The following BLTP1 variants were observed in gnomAD, a reference collection of about 807,000 sequenced individuals.
The protein encoded by BLTP1 is bridge-like lipid transfer protein family member 1.
chr4:122,289,037 G>C, the BLTP1 span: 1 of 1,560,816 alleles, frequency 6.4e-7, no homozygotes, highest in East Asian at 2.3e-5. Flanking sequence ...TAAGAAAAAA[G>C]TGTAAAGCTA....
At chr4:122,238,186 A>G in the BLTP1 span, 4 of 1,614,056 alleles carry the variant, frequency 2.5e-6, no homozygotes, top group East Asian at 8.9e-5. Context: ...TTCAAGTACC[A>G]TTACGATCTC....
chr4:122,285,427 G>C, the BLTP1 span, among the ~76,000 whole-genome samples: 2 of 152,130 alleles, frequency 1.3e-5, no homozygotes, highest in Non-Finnish European at 2.9e-5. Context: ...ACCCCTTGCA[G>C]TTTGTAAATG....
the BLTP1 span, chr4:122,325,847 T>G: frequency 8.8e-7 from 1 of 1,141,128 alleles, no homozygotes; most frequent in Non-Finnish European, 1.1e-6. Context: ...CTCATTATTT[T>G]AATTAAGTTG....
At chr4:122,242,902 T>A in the BLTP1 span, 2 of 770,858 alleles carry the variant, frequency 2.6e-6, no homozygotes. Context: ...TATATCAAAA[T>A]CATATTAGGT....
the BLTP1 span, among the ~76,000 whole-genome samples, chr4:122,191,417 A>G: frequency 3.3e-5 from 5 of 152,178 alleles, no homozygotes; most frequent in African/African-American, 1.2e-4. Context: ...AACATCTTTT[A>G]TGATGAGACC....
the BLTP1 span, among the ~76,000 whole-genome samples, chr4:122,205,759 TTCTCTC>T: frequency 7.3e-6 from 1 of 136,606 alleles, no homozygotes; most frequent in South Asian, 2.4e-4. Context: ...TTCCAGTTGT[TTCTCTC>T]TCTCTCTTTC....
the BLTP1 span, chr4:122,293,297 G>A: frequency 1.6e-5 from 7 of 435,304 alleles, no homozygotes; most frequent in Non-Finnish European, 2.1e-5. Flanking sequence ...AAAATGGTGA[G>A]TGAATTCAGC....
At chr4:122,271,919 T>A in the BLTP1 span, among the ~76,000 whole-genome samples, 1 of 152,234 alleles carries the variant, frequency 6.6e-6, no homozygotes, top group East Asian at 1.9e-4. Flanking sequence ...CCTTTTAAAC[T>A]CTTACGTGGT....
chr4:122,315,555 A>G, the BLTP1 span: 3 of 1,614,142 alleles, frequency 1.9e-6, no homozygotes, highest in South Asian at 1.1e-5. Flanking sequence ...AAAAGGCTTA[A>G]TGCTCTGGGC....
At chr4:122,169,535 G>C in the BLTP1 span, 2 of 695,962 alleles carry the variant, frequency 2.9e-6, no homozygotes, top group South Asian at 1.3e-4. Context: ...GGTAGGTTGG[G>C]TTAGTCATAT....
the BLTP1 span, among the ~76,000 whole-genome samples, chr4:122,166,813 A>G: frequency 5.5e-3 from 844 of 152,124 alleles, 15 homozygotes; most frequent in African/African-American, 0.019. Flanking sequence ...TGGATTCCTA[A>G]GTATTTTATT....
chr4:122,347,105 C>T, the BLTP1 span: 1 of 981,940 alleles, frequency 1.0e-6, no homozygotes. Flanking sequence ...TTTTAAATAT[C>T]CAAGTTAATC....
chr4:122,217,330 T>A, the BLTP1 span, among the ~76,000 whole-genome samples: 1 of 152,108 alleles, frequency 6.6e-6, no homozygotes, highest in Non-Finnish European at 1.5e-5. Flanking sequence ...TTACTTTTGC[T>A]ATGCAGGTTC....
At chr4:122,286,484 GGAAT>G in the BLTP1 span, 1 of 1,595,970 alleles carries the variant, frequency 6.3e-7, no homozygotes, top group Non-Finnish European at 8.6e-7. Context: ...GAAAAAGTGA[GGAAT>G]GAATGAGTGA....
the BLTP1 span, chr4:122,309,279 G>T: frequency 1.2e-6 from 2 of 1,611,754 alleles, no homozygotes; most frequent in Non-Finnish European, 1.7e-6. Flanking sequence ...AATCATACTG[G>T]AGACCTTGAC....
At chr4:122,255,133 T>C in the BLTP1 span, 4 of 1,602,784 alleles carry the variant, frequency 2.5e-6, no homozygotes, top group Non-Finnish European at 3.4e-6. Context: ...GATTTTAGAA[T>C]AAAAGTGTAC....
chr4:122,210,833 T>C, the BLTP1 span: 1 of 1,579,018 alleles, frequency 6.3e-7, no homozygotes, highest in Non-Finnish European at 8.6e-7. Flanking sequence ...TTCCAAGAAG[T>C]CTTTTGTCCC....
At chr4:122,211,133 T>C in the BLTP1 span, 2 of 1,520,488 alleles carry the variant, frequency 1.3e-6, no homozygotes, top group South Asian at 2.4e-5. Context: ...CTTTTAAATA[T>C]AGACAAAGCA....
the BLTP1 span, among the ~76,000 whole-genome samples, chr4:122,194,055 G>C: frequency 2.0e-3 from 311 of 152,054 alleles, no homozygotes; most frequent in Non-Finnish European, 3.4e-3. Flanking sequence ...GTAGAGACGG[G>C]GTTTCACCGT....
Sources: allele counts gnomAD v4.1 joint callset (sites outside exome capture counted in the v4.1 genomes callset), GRCh38; gene constraint gnomAD v4.1.1; transcripts MANE v1.5; gene names NCBI Gene and HGNC (gene_info 2026-07-23, HGNC 2026-07-21).